Variants in CXADR observed in about 807,000 individuals in gnomAD.
CXADR encodes the protein CXADR cell adhesion molecule.
Under a neutral mutation model 40.3 loss-of-function variants are expected in CXADR, and 20 were observed. That is an observed-to-expected ratio of 0.50 (90% CI 0.35 to 0.72). The LOEUF is 0.72. CXADR is among the 30% of genes least tolerant of loss of function. CXADR has a pLI of 0.01. For synonymous variants in CXADR, 150 were observed against 161.3 expected (o/e 0.93, Z 0.53); for missense variants, 332 against 449.1 (o/e 0.74, Z 2.36).
chr21:17,558,901 G>A, intron 3 of CXADR, 75 bp from the exon 4 acceptor site: 1 of 1,438,222 alleles, frequency 7.0e-7, no homozygotes, highest in Non-Finnish European at 9.4e-7. Context: ...TGAGTCAGTG[G>A]TTGTGTACAA....
intron 7 of CXADR, among the ~76,000 whole-genome samples, chr21:17,579,483 A>C (rs1222559845): frequency 6.6e-6 from 1 of 152,086 alleles, no homozygotes; most frequent in Admixed American, 6.5e-5. Context: ...ACGGGGTTTC[A>C]CAGCGTTAGC....
At position 17,568,420 on chromosome 21, in the gene CXADR, A is replaced by T; in HGVS notation, c.*2728A>T. On this transcript the variant is annotated 3_prime_UTR_variant, in exon 7 of 7. Coordinates refer to ENST00000284878, the MANE Select transcript of CXADR (RefSeq NM_001338.5). The stretch of plus-strand genomic sequence containing the variant: ...TGGGATTACAGGCGTGAACCACTGC[A>T]CCCGGCCCAGTACTGCATCTTAACA... The T allele has an allele frequency of 1.0e-6, 1 of 985,078 alleles. No individual in the cohort carries two copies. The highest frequency in any genetic ancestry group is 1.2e-6 in the Non-Finnish European group (1 of 829,916). The allele number at this position is 985,078 out of a possible 1,614,324, so 61.0% of individuals were successfully genotyped here. A position where few individuals can be genotyped will look rare whatever the true frequency, so the allele number is the denominator to read the frequency against.
the CXADR span, among the ~76,000 whole-genome samples, chr21:17,633,810 AC>A: frequency 5.3e-5 from 8 of 152,226 alleles, no homozygotes; most frequent in East Asian, 1.5e-3. Flanking sequence ...AAAATTACCT[AC>A]ATCCCCTCCT....
intron 7 of CXADR, among the ~76,000 whole-genome samples, chr21:17,592,749 GAA>G (rs1265114647): frequency 6.6e-6 from 1 of 151,808 alleles, no homozygotes; most frequent in Non-Finnish European, 1.5e-5. Flanking sequence ...TAGATTTCAG[GAA>G]AAGAGTAGAT....
intron 7 of CXADR, among the ~76,000 whole-genome samples, chr21:17,575,801 T>A (rs1452668173): frequency 2.0e-5 from 3 of 150,962 alleles, no homozygotes; most frequent in African/African-American, 7.3e-5. Flanking sequence ...AAAAAAATGA[T>A]TTTAGGCTGG....
intron 7 of CXADR, among the ~76,000 whole-genome samples, chr21:17,587,872 A>G (rs1202455967): frequency 6.6e-6 from 1 of 152,202 alleles, no homozygotes. Flanking sequence ...TTTAGGTCTA[A>G]CATGTAAGTC....
At chr21:17,633,672 G>T in the CXADR span, among the ~76,000 whole-genome samples, 41 of 152,214 alleles carry the variant, frequency 2.7e-4, no homozygotes, top group South Asian at 8.3e-4. Context: ...TGTTCACAGT[G>T]CAATTCTGCC....
chr21:17,598,499 C>G, downstream of CXADR: 1 of 828,958 alleles, frequency 1.2e-6, no homozygotes, highest in Non-Finnish European at 1.8e-6. Flanking sequence ...TGGGGAAAGG[C>G]AAGAACTATT....
At chr21:17,606,251 A>G in the CXADR span, among the ~76,000 whole-genome samples, 4 of 152,160 alleles carry the variant, frequency 2.6e-5, no homozygotes, top group East Asian at 7.7e-4. Flanking sequence ...GAGTTTGAGT[A>G]ACTTCCCAAC....
chr21:17,622,714 CTATTT>C, the CXADR span, among the ~76,000 whole-genome samples: 7 of 152,080 alleles, frequency 4.6e-5, no homozygotes, highest in Non-Finnish European at 1.0e-4. Context: ...ATTGGTGACT[CTATTT>C]TGTTTTGTTT....
intron 1 of CXADR, among the ~76,000 whole-genome samples, chr21:17,529,931 A>ATTTTTC (rs200582940): frequency 6.7e-6 from 1 of 148,542 alleles, no homozygotes; most frequent in Non-Finnish European, 1.5e-5. Flanking sequence ...TTCCTTTACT[A>ATTTTTC]TTTTTCTTTT....
chr21:17,588,082 G>A (rs549013130), intron 7 of CXADR, among the ~76,000 whole-genome samples: 29 of 152,072 alleles, frequency 1.9e-4, no homozygotes, highest in African/African-American at 6.0e-4. Context: ...TGTTCTGTTC[G>A]ATTGGTTTAT....
chr21:17,635,937 T>C, the CXADR span, among the ~76,000 whole-genome samples: 1 of 152,242 alleles, frequency 6.6e-6, no homozygotes. Context: ...ATTTCTTAAT[T>C]GACTTAGGTC....
chr21:17,521,458 G>A (rs1007616176), intron 1 of CXADR, among the ~76,000 whole-genome samples: 1 of 152,136 alleles, frequency 6.6e-6, no homozygotes, highest in Non-Finnish European at 1.5e-5. Context: ...GAGTAGCTGG[G>A]AATACAGGTG....
At chr21:17,592,618 T>G (rs1186365623) in intron 7 of CXADR, among the ~76,000 whole-genome samples, 1 of 151,892 alleles carries the variant, frequency 6.6e-6, no homozygotes, top group African/African-American at 2.4e-5. Context: ...GTGTGATGAC[T>G]CTGAAAGTAA....
intron 1 of CXADR, chr21:17,519,042 G>T (rs959191585): frequency 1.5e-5 from 20 of 1,305,650 alleles, no homozygotes; most frequent in Non-Finnish European, 2.1e-5. Context: ...CCAGCACGCG[G>T]CAAGAGCAAG....
the CXADR span, among the ~76,000 whole-genome samples, chr21:17,607,212 A>C: frequency 1.3e-5 from 2 of 152,200 alleles, no homozygotes; most frequent in Non-Finnish European, 1.5e-5. Flanking sequence ...AATGGAAATG[A>C]AATTGTACAC....
chr21:17,623,250 G>A, the CXADR span, among the ~76,000 whole-genome samples: 1 of 152,004 alleles, frequency 6.6e-6, no homozygotes, highest in African/African-American at 2.4e-5. Context: ...CCAAAGTGAT[G>A]ACTCTTTATT....
chr21:17,536,522 C>G (rs2060759803), intron 1 of CXADR, among the ~76,000 whole-genome samples: 1 of 152,104 alleles, frequency 6.6e-6, no homozygotes, highest in African/African-American at 2.4e-5. Context: ...TCCCTCTACT[C>G]TGAGCTCCCT....
Sources: allele counts gnomAD v4.1 joint callset (sites outside exome capture counted in the v4.1 genomes callset), GRCh38; gene constraint gnomAD v4.1.1; transcripts MANE v1.5; gene names NCBI Gene and HGNC (gene_info 2026-07-23, HGNC 2026-07-21).